CSNK2A2IP: variants seen among roughly 807,000 people sequenced by gnomAD.
CSNK2A2IP encodes casein kinase 2 subunit alpha' interacting protein.
At chr3:88,339,512 C>A in the CSNK2A2IP span, among the ~76,000 whole-genome samples, 1 of 152,020 alleles carries the variant, frequency 6.6e-6, no homozygotes, top group African/African-American at 2.4e-5. Context: ...CATGGGAGTG[C>A]AGATACCTCT....
At chr3:88,375,072 TG>T in the CSNK2A2IP span, among the ~76,000 whole-genome samples, 1 of 151,732 alleles carries the variant, frequency 6.6e-6, no homozygotes, top group Admixed American at 6.6e-5. Context: ...GTCACCTCAC[TG>T]TCATAATTCT....
chr3:88,441,393 A>C, the CSNK2A2IP span, among the ~76,000 whole-genome samples: 9 of 152,136 alleles, frequency 5.9e-5, no homozygotes, highest in Non-Finnish European at 8.8e-5. Flanking sequence ...ATTAAATTGA[A>C]TATATTTCTT....
At chr3:88,398,212 T>A in the CSNK2A2IP span, among the ~76,000 whole-genome samples, 1 of 152,132 alleles carries the variant, frequency 6.6e-6, no homozygotes, top group Non-Finnish European at 1.5e-5. Flanking sequence ...ATGCAAAATG[T>A]CTATGGAAGA....
chr3:88,423,723 G>C, the CSNK2A2IP span, among the ~76,000 whole-genome samples: 1 of 152,120 alleles, frequency 6.6e-6, no homozygotes, highest in Admixed American at 6.6e-5. Flanking sequence ...TGTTTCAAGT[G>C]CCGATTTAAA....
At chr3:88,426,054 A>G in the CSNK2A2IP span, among the ~76,000 whole-genome samples, 1 of 152,210 alleles carries the variant, frequency 6.6e-6, no homozygotes, top group Non-Finnish European at 1.5e-5. Flanking sequence ...AGCATTCTAA[A>G]TATTTTCACA....
chr3:88,348,038 G>T, the CSNK2A2IP span, among the ~76,000 whole-genome samples: 3 of 151,856 alleles, frequency 2.0e-5, no homozygotes, highest in African/African-American at 7.3e-5. Flanking sequence ...TTTCACCTGG[G>T]TTTCCTTATC....
At chr3:88,385,995 T>C in the CSNK2A2IP span, among the ~76,000 whole-genome samples, 1 of 152,186 alleles carries the variant, frequency 6.6e-6, no homozygotes, top group Non-Finnish European at 1.5e-5. Flanking sequence ...TGTTTGAAGA[T>C]AGTGGAAAAT....
At chr3:88,393,330 G>A in the CSNK2A2IP span, among the ~76,000 whole-genome samples, 4 of 152,184 alleles carry the variant, frequency 2.6e-5, no homozygotes, top group South Asian at 8.3e-4. Context: ...TAGACTATAA[G>A]TACGGAGAAA....
At chr3:88,360,260 A>G in the CSNK2A2IP span, among the ~76,000 whole-genome samples, 3 of 151,274 alleles carry the variant, frequency 2.0e-5, no homozygotes, top group Non-Finnish European at 2.9e-5. Context: ...CAGCCTCCCG[A>G]GTAGCTGGGA....
the CSNK2A2IP span, among the ~76,000 whole-genome samples, chr3:88,369,273 T>C: frequency 6.6e-6 from 1 of 151,958 alleles, no homozygotes; most frequent in Admixed American, 6.6e-5. Context: ...GACTTTGTAT[T>C]CTGCTGTAGT....
At chr3:88,371,373 T>A in the CSNK2A2IP span, among the ~76,000 whole-genome samples, 22 of 151,772 alleles carry the variant, frequency 1.4e-4, no homozygotes, top group Admixed American at 7.2e-4. Context: ...AACTAAAATA[T>A]AACCAAATGG....
chr3:88,362,750 T>A, the CSNK2A2IP span, among the ~76,000 whole-genome samples: 2 of 152,174 alleles, frequency 1.3e-5, no homozygotes, highest in South Asian at 2.1e-4. Flanking sequence ...CTAGAAATGA[T>A]GTTCAGGAGC....
the CSNK2A2IP span, among the ~76,000 whole-genome samples, chr3:88,383,579 G>T: frequency 1.3e-5 from 2 of 149,422 alleles, no homozygotes; most frequent in Non-Finnish European, 3.0e-5. Context: ...TTTGTGCTTT[G>T]TTAGTCATAG....
chr3:88,390,991 A>T, the CSNK2A2IP span, among the ~76,000 whole-genome samples: 5 of 152,234 alleles, frequency 3.3e-5, no homozygotes, highest in Non-Finnish European at 5.9e-5. Flanking sequence ...TCTAGAATCA[A>T]ACTTCCCTGT....
the CSNK2A2IP span, chr3:88,465,914 G>C: frequency 8.1e-7 from 1 of 1,231,402 alleles, no homozygotes; most frequent in South Asian, 4.1e-5. Context: ...TCATTATTTC[G>C]CCTCCAAAAT....
chr3:88,369,811 T>G, the CSNK2A2IP span, among the ~76,000 whole-genome samples: 1 of 151,822 alleles, frequency 6.6e-6, no homozygotes, highest in Non-Finnish European at 1.5e-5. Context: ...TTAGATTGAT[T>G]TGTTACAAGG....
At chr3:88,443,915 G>T in the CSNK2A2IP span, among the ~76,000 whole-genome samples, 1 of 151,784 alleles carries the variant, frequency 6.6e-6, no homozygotes, top group Non-Finnish European at 1.5e-5. Context: ...AAAGTGTAAT[G>T]GAATCATCCT....
the CSNK2A2IP span, among the ~76,000 whole-genome samples, chr3:88,383,166 C>G: frequency 0.016 from 2,477 of 152,132 alleles, 33 homozygotes; most frequent in Non-Finnish European, 0.025. Context: ...AAAAATAGGG[C>G]TCCCAAAGGC....
At chr3:88,445,306 C>T in the CSNK2A2IP span, among the ~76,000 whole-genome samples, 1 of 43,510 alleles carries the variant, frequency 2.3e-5, no homozygotes, top group Admixed American at 2.8e-4. Flanking sequence ...AAAAATTAGC[C>T]AGGCTTGGTG....
Sources: allele counts gnomAD v4.1 joint callset (sites outside exome capture counted in the v4.1 genomes callset), GRCh38; gene constraint gnomAD v4.1.1; transcripts MANE v1.5; gene names NCBI Gene and HGNC (gene_info 2026-07-23, HGNC 2026-07-21).